Variants in GPHN observed in about 807,000 individuals in gnomAD.
GPHN encodes the protein gephyrin.
In GPHN, 17 loss-of-function variants were observed where a neutral mutation model predicts 95.5. The ratio of observed to expected loss-of-function variants is 0.18; its 90% CI spans 0.12 to 0.27. GPHN has a LOEUF of 0.27. Among genes scored for constraint, GPHN ranks in the 10% least tolerant of loss-of-function variants. The pLI is 1.00. For missense variants in GPHN, 660 were observed against 978.1 expected, an observed-to-expected ratio of 0.67 and a Z score of 4.34; for synonymous variants, 320 against 322.5, an observed-to-expected ratio of 0.99 and a Z score of 0.08.
At chr14:67,225,394 A>T in the GPHN span, 1 of 558,958 alleles carries the variant, frequency 1.8e-6, no homozygotes, top group African/African-American at 2.0e-5. Flanking sequence ...TATAAGTGGA[A>T]TGAAATGTTA....
At chr14:67,126,969 G>C (rs368969422) in intron 17 of GPHN, among the ~76,000 whole-genome samples, 53 of 151,824 alleles carry the variant, frequency 3.5e-4, no homozygotes, top group African/African-American at 1.1e-3. Flanking sequence ...AATTGGAAAT[G>C]ATCATTCTCA....
intron 9 of GPHN, among the ~76,000 whole-genome samples, chr14:66,992,107 C>T (rs1022610794): frequency 6.6e-6 from 1 of 152,086 alleles, no homozygotes; most frequent in Non-Finnish European, 1.5e-5. Flanking sequence ...TCATATGCCA[C>T]AATTTTGTAT....
At chr14:67,645,510 A>C in the GPHN span, 1 of 981,070 alleles carries the variant, frequency 1.0e-6, no homozygotes, top group African/African-American at 1.7e-5. Flanking sequence ...GTCTTGCCTC[A>C]CCCAAACCCA....
chr14:66,651,354 G>A (rs1031539276), intron 1 of GPHN, among the ~76,000 whole-genome samples: 5 of 152,132 alleles, frequency 3.3e-5, no homozygotes, highest in African/African-American at 9.7e-5. Context: ...GAATTATGGG[G>A]GTGATGAAGG....
chr14:67,017,955 C>T (rs1025461610), intron 9 of GPHN, among the ~76,000 whole-genome samples: 2 of 151,944 alleles, frequency 1.3e-5, no homozygotes, highest in African/African-American at 4.8e-5. Context: ...ATAATTACTA[C>T]AAAATATTCA....
rs2082707663 is a variant in GPHN, at chr14:67,173,314, T to G, written c.2079+4278T>G. Reference sequence around the variant, plus strand: ...CAAAGAGGGATCTCCCTAGGCTATATCTTCCCATTGTGGAGAAAATAAGAA... The same window carrying G: ...CAAAGAGGGATCTCCCTAGGCTATAGCTTCCCATTGTGGAGAAAATAAGAA... On this transcript the variant is annotated intron_variant, in intron 21 of 22. Coordinates refer to ENST00000478722, the MANE Select transcript of GPHN (RefSeq NM_020806.5). Among the ~76,000 whole-genome samples the G allele has an allele frequency of 6.6e-5, 10 of 152,298 alleles. No homozygotes were observed. In the South Asian group the frequency reaches 2.1e-3, roughly 32 times the overall value.
chr14:66,523,983 A>G (rs1248194536), intron 1 of GPHN, among the ~76,000 whole-genome samples: 2 of 152,078 alleles, frequency 1.3e-5, no homozygotes, highest in Non-Finnish European at 2.9e-5. Context: ...GAGTTAGAAG[A>G]TGCTATTTGT....
intron 5 of GPHN, among the ~76,000 whole-genome samples, chr14:66,905,549 C>T (rs1367612232): frequency 6.6e-6 from 1 of 151,994 alleles, no homozygotes; most frequent in Non-Finnish European, 1.5e-5. Flanking sequence ...TTCTGTCTGG[C>T]TTGTTTCGCT....
the GPHN span, chr14:67,392,420 CT>C: frequency 8.1e-6 from 13 of 1,611,924 alleles, no homozygotes; most frequent in Non-Finnish European, 1.1e-5. Context: ...CTTTTTGTAG[CT>C]CTCAGCCTAG....
At chr14:67,208,202 G>A in the GPHN span, 2 of 1,612,100 alleles carry the variant, frequency 1.2e-6, no homozygotes, top group East Asian at 4.5e-5. Flanking sequence ...ATTTTTAAAG[G>A]AAAAATTGAA....
the GPHN span, among the ~76,000 whole-genome samples, chr14:67,287,186 T>C: frequency 9.2e-5 from 14 of 152,044 alleles, no homozygotes; most frequent in Non-Finnish European, 2.1e-4. Flanking sequence ...ACCACCGAAC[T>C]CTAGCCAGGG....
At chr14:66,571,537 G>C (rs1268112682) in intron 1 of GPHN, among the ~76,000 whole-genome samples, 1 of 152,012 alleles carries the variant, frequency 6.6e-6, no homozygotes, top group Non-Finnish European at 1.5e-5. Flanking sequence ...CTGTGCTTTT[G>C]GGGTCATATT....
the GPHN span, among the ~76,000 whole-genome samples, chr14:67,540,557 C>T: frequency 1.3e-5 from 2 of 149,876 alleles, no homozygotes; most frequent in African/African-American, 4.9e-5. Flanking sequence ...AGCCAGGAGG[C>T]AGAGGTTGTA....
the GPHN span, among the ~76,000 whole-genome samples, chr14:67,731,203 CTTTCT>C: frequency 8.4e-6 from 1 of 119,210 alleles, no homozygotes; most frequent in Non-Finnish European, 1.7e-5. Flanking sequence ...ATATTTCTTT[CTTTCT>C]TTTTTTTTTT....
the GPHN span, among the ~76,000 whole-genome samples, chr14:67,549,920 C>T: frequency 2.6e-5 from 4 of 152,208 alleles, no homozygotes; most frequent in Admixed American, 6.5e-5. Context: ...GTGATTCTTA[C>T]GCCCTTGAAA....
the GPHN span, among the ~76,000 whole-genome samples, chr14:67,602,342 A>G: frequency 6.6e-6 from 1 of 151,970 alleles, no homozygotes; most frequent in Admixed American, 6.6e-5. Flanking sequence ...TGATCCAATC[A>G]CCTCCCACTG....
intron 2 of GPHN, among the ~76,000 whole-genome samples, chr14:66,756,983 A>G (rs920962527): frequency 1.3e-5 from 2 of 152,210 alleles, no homozygotes; most frequent in Admixed American, 6.5e-5. Context: ...ATTTTCTTAC[A>G]TATGCCACAG....
At chr14:67,577,193 C>A in the GPHN span, 9 of 738,178 alleles carry the variant, frequency 1.2e-5, no homozygotes, top group Non-Finnish European at 1.8e-5. Context: ...CAAGTGTTGA[C>A]GGAAGATAAA....
At chr14:66,559,196 C>T (rs572760688) in intron 1 of GPHN, among the ~76,000 whole-genome samples, 4 of 152,254 alleles carry the variant, frequency 2.6e-5, no homozygotes, top group South Asian at 2.1e-4. Context: ...CCGCAATAAA[C>T]ATATGTGTGC....
Sources: allele counts gnomAD v4.1 joint callset (sites outside exome capture counted in the v4.1 genomes callset), GRCh38; gene constraint gnomAD v4.1.1; transcripts MANE v1.5; gene names NCBI Gene and HGNC (gene_info 2026-07-23, HGNC 2026-07-21).